The following PGR variants were observed in gnomAD, a reference collection of about 807,000 sequenced individuals.
PGR encodes nuclear receptor subfamily 3 group C member 3.
Under a neutral mutation model 76.1 loss-of-function variants are expected in PGR, and 25 were observed. That is an observed-to-expected ratio of 0.33 (90% CI 0.24 to 0.46). The LOEUF is 0.46. Ranked by LOEUF, PGR falls within the 20% of genes least tolerant of loss-of-function variation. The probability of loss-of-function intolerance (pLI) is 1.00; values close to 1 mark genes in which losing one functional copy is unlikely to be tolerated. For synonymous variants in PGR, 579 were observed against 535.0 expected, an observed-to-expected ratio of 1.08 and a Z score of -1.14; for missense variants, 1,172 against 1,225.3, an observed-to-expected ratio of 0.96 and a Z score of 0.65.
At chr11:101,127,349 G>C (rs965558927) in intron 1 of PGR, 85 bp downstream of exon 1, 4 of 1,058,738 alleles carry the variant, frequency 3.8e-6, no homozygotes, top group Non-Finnish European at 3.9e-6. Context: ...GTGCGCTGGG[G>C]CTGGGGCTGA....
chr11:101,127,937 G>A lies in PGR; in HGVS notation c.1134C>T (p.Ser378=). The part of the protein sequence containing the change: ...EPKDDAYPLY[S]DFQPPALKIK... The stretch of plus-strand genomic sequence containing the variant: ...TCTTTAGAGCGGGCGGCTGGAAGTC[G>A]CTATAGAGAGGGTACGCGTCGTCCT... The change falls in exon 1 of 8, where the codon AGC becomes AGT. Residue 378 remains serine (S), a synonymous_variant. Coordinates refer to ENST00000325455, the MANE Select transcript of PGR (RefSeq NM_000926.4). 6.2e-7 allele frequency: 1 copy of A among 1,611,768 alleles called. No homozygotes were observed. Among genetic ancestry groups the A allele is most frequent in the Non-Finnish European group, 8.5e-7 (1 of 1,179,780 alleles).
intron 1 of PGR, 133 bp downstream of exon 1, chr11:101,127,301 G>T (rs1196250802): frequency 3.5e-6 from 2 of 571,714 alleles, no homozygotes; most frequent in Non-Finnish European, 5.7e-6. Context: ...GCTGTGTCCC[G>T]CTGCCCACCC....
rs11571196 is a variant in PGR at position 101,078,740 on chromosome 11, G to A, written c.1906+13020C>T. 8.1e-3 allele frequency among the ~76,000 whole-genome samples: 1,231 copies of A among 152,184 alleles called. 17 individuals carry two copies. Among genetic ancestry groups the A allele is most frequent in the African/African-American group, 0.026 (1,089 of 41,536 alleles). On this transcript the variant is annotated intron_variant, in intron 3 of 7. Transcript: ENST00000325455. ...CCACGGAAGCAGATAAGAACAAACT[G>A]CTCCTAACAAAATCTATGTCATGAC... is the stretch of plus-strand genomic sequence containing the variant.
At chr11:101,104,156 A>G (rs11571171) in intron 2 of PGR, among the ~76,000 whole-genome samples, 40,220 of 152,186 alleles carry the variant, frequency 0.26, 5,650 homozygotes, top group Non-Finnish European at 0.31. Context: ...CTCGTAAAAA[A>G]GATACATAAG....
chr11:101,116,270 T>G (rs1384474369), intron 2 of PGR, among the ~76,000 whole-genome samples: 1 of 152,218 alleles, frequency 6.6e-6, no homozygotes, highest in Non-Finnish European at 1.5e-5. Context: ...TTCTTCAAGT[T>G]TCATTCTTTG....
At chr11:101,076,512 A>T (rs1368053725) in intron 3 of PGR, among the ~76,000 whole-genome samples, 2 of 152,118 alleles carry the variant, frequency 1.3e-5, no homozygotes, top group Non-Finnish European at 2.9e-5. Flanking sequence ...TGAAAACATT[A>T]AAAAGTATGG....
intron 2 of PGR, among the ~76,000 whole-genome samples, chr11:101,095,156 A>G (rs1411598387): frequency 6.6e-6 from 1 of 152,214 alleles, no homozygotes; most frequent in Admixed American, 6.5e-5. Context: ...TTTAATATCT[A>G]TTTGTTAATA....
chr11:101,107,865 T>TAAAAAAATAAAA (rs1862215572), intron 2 of PGR, among the ~76,000 whole-genome samples: 1 of 119,290 alleles, frequency 8.4e-6, no homozygotes, highest in Non-Finnish European at 1.7e-5. Flanking sequence ...ACTGGCTTTG[T>TAAAAAAATAAAA]AAAAAAAAAA....
intron 3 of PGR, among the ~76,000 whole-genome samples, chr11:101,071,517 G>C (rs1332619150): frequency 6.6e-6 from 1 of 151,690 alleles, no homozygotes; most frequent in African/African-American, 2.4e-5. Context: ...GGCGGGTAAT[G>C]ACAAACTCCT....
At chr11:101,073,985 G>C (rs1861034496) in intron 3 of PGR, among the ~76,000 whole-genome samples, 1 of 151,870 alleles carries the variant, frequency 6.6e-6, no homozygotes, top group African/African-American at 2.4e-5. Flanking sequence ...ATTTTATTTG[G>C]TATCATCCTG....
intron 3 of PGR, among the ~76,000 whole-genome samples, chr11:101,088,723 C>T (rs1217860): frequency 0.16 from 24,609 of 152,084 alleles, 2,250 homozygotes; most frequent in African/African-American, 0.25. Flanking sequence ...ACTAGAAAGA[C>T]ACATGCACTC....
intron 2 of PGR, among the ~76,000 whole-genome samples, chr11:101,124,975 C>T (rs1385306621): frequency 6.6e-6 from 1 of 151,870 alleles, no homozygotes; most frequent in Non-Finnish European, 1.5e-5. Flanking sequence ...GTGAAATTTC[C>T]TACTACCTGC....
At chr11:101,096,419 T>G (rs1861833257) in intron 2 of PGR, among the ~76,000 whole-genome samples, 1 of 152,154 alleles carries the variant, frequency 6.6e-6, no homozygotes, top group Non-Finnish European at 1.5e-5. Context: ...TCAAGCAATG[T>G]TTTGGCTTAA....
chr11:101,106,750 A>G (rs1862174612), intron 2 of PGR, among the ~76,000 whole-genome samples: 1 of 152,200 alleles, frequency 6.6e-6, no homozygotes, highest in Admixed American at 6.5e-5. Context: ...ATTCTACTAT[A>G]AAGACACAGG....
At chr11:101,085,754 A>C (rs1861478670) in intron 3 of PGR, among the ~76,000 whole-genome samples, 6 of 152,132 alleles carry the variant, frequency 3.9e-5, no homozygotes. Context: ...AACAGAAATG[A>C]CAAAGGTGAC....
intron 7 of PGR, among the ~76,000 whole-genome samples, chr11:101,039,984 C>T (rs1591364646): frequency 6.6e-6 from 1 of 152,200 alleles, no homozygotes; most frequent in Middle Eastern, 3.4e-3. Context: ...TCTTCCTCAA[C>T]TACATACATG....
At chr11:101,099,638 A>C (rs1485227920) in intron 2 of PGR, among the ~76,000 whole-genome samples, 1 of 152,206 alleles carries the variant, frequency 6.6e-6, no homozygotes, top group Admixed American at 6.5e-5. Flanking sequence ...AGTCAGCGGA[A>C]GTCCAGAAGC....
intron 3 of PGR, among the ~76,000 whole-genome samples, chr11:101,078,287 A>G: frequency 6.6e-6 from 1 of 152,168 alleles, no homozygotes; most frequent in East Asian, 1.9e-4. Context: ...AAATAATAGA[A>G]AAAAAGAAAA....
At chr11:101,114,472 GAATAT>G (rs1435216794) in intron 2 of PGR, among the ~76,000 whole-genome samples, 2 of 152,046 alleles carry the variant, frequency 1.3e-5, no homozygotes, top group Non-Finnish European at 1.5e-5. Context: ...ACATTATGTA[GAATAT>G]AATACAAACA....
Sources: gnomAD v4.1 joint callset for allele counts (sites outside exome capture counted in the v4.1 genomes callset) on GRCh38, gnomAD v4.1.1 for gene constraint, MANE v1.5 for transcripts, NCBI Gene and HGNC (gene_info 2026-07-23, HGNC 2026-07-21) for gene names.